HEATR6: variants seen among roughly 807,000 people sequenced by gnomAD.
HEATR6 encodes HEAT repeat containing 6.
Under a neutral mutation model 132.8 loss-of-function variants are expected in HEATR6, and 106 were observed. That is an observed-to-expected ratio of 0.80 (90% CI 0.68 to 0.94). HEATR6 has a LOEUF of 0.94. Ranked by LOEUF, HEATR6 falls within the 40% of genes least tolerant of loss-of-function variation. HEATR6 has a pLI of 0.00. For missense variants in HEATR6, 1,339 were observed against 1,425.1 expected (o/e 0.94, Z 0.97); for synonymous variants, 529 against 537.8 (o/e 0.98, Z 0.23).
intron 11 of HEATR6, among the ~76,000 whole-genome samples, chr17:60,058,568 T>C (rs1180126094): frequency 6.6e-6 from 1 of 152,234 alleles, no homozygotes; most frequent in Non-Finnish European, 1.5e-5. Flanking sequence ...CTTTTTTACA[T>C]ATTAGTGTAA....
intron 14 of HEATR6, among the ~76,000 whole-genome samples, chr17:60,052,765 T>A (rs79168666): frequency 2.0e-5 from 3 of 152,140 alleles, no homozygotes; most frequent in Admixed American, 6.5e-5. Context: ...ATGCCCTTCA[T>A]CCATCTTTGG....
In HEATR6 at chr17:60,073,276, G is replaced by T; in HGVS notation, c.472C>A (p.Leu158Ile). ...YCNGSKCQKY[L>I]PELLGNTGLL... The stretch of plus-strand genomic sequence containing the variant: ...CCGGTGTTGCCTAGCAGCTCTGGGA[G>T]GTACTAAGAAAAATAAGAGTCAATG... Residue 158 changes from leucine (L) to isoleucine (I), a missense_variant, in exon 4 of 20, where the codon CTC becomes ATC. Coordinates refer to ENST00000184956, the MANE Select transcript of HEATR6 (RefSeq NM_022070.5). The T allele has an allele frequency of 1.3e-6, 2 of 1,586,996 alleles. No homozygotes were observed. Among genetic ancestry groups the T allele is most frequent in the Non-Finnish European group, 1.7e-6 (2 of 1,155,620 alleles).
In HEATR6 at chr17:60,042,313, C is replaced by A. The variant is rs546536667; in HGVS notation, c.*1250G>T. ...GGGGAACACGGGCACTCCAGAAGCTCGGAGCAGCAGCTCATCAGCTGTGAG... is the reference window on the plus strand; with the variant it reads ...GGGGAACACGGGCACTCCAGAAGCTAGGAGCAGCAGCTCATCAGCTGTGAG... On this transcript the variant is annotated 3_prime_UTR_variant, in exon 20 of 20. Coordinates refer to ENST00000184956, the MANE Select transcript of HEATR6 (RefSeq NM_022070.5). Among the ~76,000 whole-genome samples the A allele has an allele frequency of 1.3e-5, 2 of 152,278 alleles. No homozygotes were observed. Among genetic ancestry groups the A allele is most frequent in the East Asian group, 3.9e-4 (2 of 5,194 alleles).
chr17:60,073,537 T>C (rs2083280562), intron 3 of HEATR6, among the ~76,000 whole-genome samples: 1 of 152,146 alleles, frequency 6.6e-6, no homozygotes, highest in African/African-American at 2.4e-5. Context: ...TTAAGAATAA[T>C]GTTTACTATT....
chr17:60,073,866 G>T lies in HEATR6; in HGVS notation c.348C>A (p.His116Gln). 1 of 1,613,496 alleles carries T rather than the reference G, an allele frequency of 6.2e-7. No individual in the cohort carries two copies. Residue 116 changes from histidine (H) to glutamine (Q), a missense_variant, in exon 3 of 20, where the codon CAC (histidine) becomes CAA (glutamine). His to Gln is a conservative substitution (Grantham distance 24). Transcript: ENST00000184956. ...TAGTATATGCCAACAGGAAATCCAA[G>T]TGCTGTTCATCAACAATTACCTAAC... Reference protein sequence around the residue: ...NRLQVIVDEQHLDFLLAYTIS... With the variant: ...NRLQVIVDEQQLDFLLAYTIS...
Position 60,043,906 on chromosome 17 carries a change from A to C in HEATR6, c.3203T>G (p.Leu1068Arg). The C allele has an allele frequency of 6.2e-7, 1 of 1,614,150 alleles. No individual in the cohort carries two copies. The highest frequency in any genetic ancestry group is 8.5e-7 in the Non-Finnish European group (1 of 1,180,008). The change falls in exon 20 of 20, where the codon CTA becomes CGA. Residue 1068 changes from leucine (L) to arginine (R), a missense_variant. By Grantham distance (102) the Leu-to-Arg change is moderately radical. Coordinates refer to ENST00000184956, the MANE Select transcript of HEATR6 (RefSeq NM_022070.5). ...CAGTGCCTGGCAGATTTGGGTCCGTAGGCTGACACAGTACTTGAATTCCAA... is the reference window on the plus strand; with the variant it reads ...CAGTGCCTGGCAGATTTGGGTCCGTCGGCTGACACAGTACTTGAATTCCAA... ...DFLEFKYCVS[L>R]RTQICQALIH...
rs1048308884 is a variant in HEATR6, at chr17:60,070,641, T to A, written c.801+65A>T. 4.5e-6 allele frequency: 4 copies of A among 896,554 alleles called. No individual in the cohort carries two copies. In the African/African-American group the frequency reaches 6.6e-5, roughly 15 times the overall value. The allele number at this position is 896,554 out of a possible 1,614,324, so 55.5% of individuals were successfully genotyped here. A position where few individuals can be genotyped will look rare whatever the true frequency, so the allele number is the denominator to read the frequency against. On this transcript the variant is annotated intron_variant, in intron 6 of 19. Transcript: ENST00000184956. ...CAAAGTTAGCCTTAGAATAAGGATG[T>A]AAAGTGGTCCTTGTACCATGGGTTG...
At position 60,049,150 on chromosome 17, in the gene HEATR6, T is replaced by TGC. The variant is rs1555667042; in HGVS notation, c.2547+429_2547+430insGC. Reference sequence around the variant, plus strand: ...GTGTGTGTGTGTGTGTGTGTGTGTGTGTGTGTCTGGCTCTGCCACCCAGGC... The same window carrying TGC: ...GTGTGTGTGTGTGTGTGTGTGTGTGTGCGTGTGTCTGGCTCTGCCACCCAGGC... On this transcript the variant is annotated intron_variant, in intron 16 of 19. Coordinates refer to ENST00000184956, the MANE Select transcript of HEATR6 (RefSeq NM_022070.5). Among the ~76,000 whole-genome samples the TGC allele has an allele frequency of 4.4e-3, 663 of 149,862 alleles. 25 individuals carry two copies. The highest frequency in any genetic ancestry group is 0.015 in the African/African-American group (611 of 40,310).
rs1252554149 is a variant in HEATR6, at chr17:60,048,333, T to C, written c.2603A>G (p.Lys868Arg). The C allele has an allele frequency of 1.2e-6, 2 of 1,613,656 alleles. No homozygotes were observed. Among genetic ancestry groups the C allele is most frequent in the African/African-American group, 1.3e-5 (1 of 74,914 alleles). The change falls in exon 17 of 20, where the codon AAG becomes AGG. Residue 868 changes from lysine to arginine, a missense_variant. Coordinates refer to ENST00000184956, the MANE Select transcript of HEATR6 (RefSeq NM_022070.5). ...TGCTTTGGCTCGAACATTCAGAGACTTGTCTTCAAGTGACATCAATATTGC... is the reference window on the plus strand; with the variant it reads ...TGCTTTGGCTCGAACATTCAGAGACCTGTCTTCAAGTGACATCAATATTGC... ...ANAILMSLED[K>R]SLNVRAKAAW...
At chr17:60,059,132 G>T (rs140705943) in intron 11 of HEATR6, among the ~76,000 whole-genome samples, 110 of 152,162 alleles carry the variant, frequency 7.2e-4, no homozygotes, top group African/African-American at 2.5e-3. Flanking sequence ...TCCTCAGGGG[G>T]GCTGCTTGCA....
intron 2 of HEATR6, chr17:60,074,295 G>T: frequency 5.3e-6 from 1 of 188,330 alleles, no homozygotes; most frequent in Non-Finnish European, 1.0e-5. Context: ...CATGACATGA[G>T]GAATACACCA....
intron 9 of HEATR6, among the ~76,000 whole-genome samples, chr17:60,065,997 CT>C (rs2083238365): frequency 6.6e-6 from 1 of 152,240 alleles, no homozygotes; most frequent in Non-Finnish European, 1.5e-5. Flanking sequence ...CAAGCAAGCC[CT>C]GGGGCAGGAA....
intron 19 of HEATR6, 101 bp from the exon 20 acceptor site, chr17:60,044,235 A>G: frequency 2.5e-6 from 2 of 795,160 alleles, no homozygotes; most frequent in South Asian, 3.5e-5. Context: ...TGCTCAAGAC[A>G]CTCATTTTAT....
rs1222325726 is a variant in HEATR6 at position 60,044,139 on chromosome 17, A to G, written c.2975-5T>C. 2 of 1,596,858 alleles carry G rather than the reference A, an allele frequency of 1.3e-6. No homozygotes were observed. Among genetic ancestry groups the G allele is most frequent in the South Asian group, 1.1e-5 (1 of 87,908 alleles). The stretch of plus-strand genomic sequence containing the variant: ...GGGAGGTCCATGGGGCTGTCCCTAG[A>G]AAGAATCCACAGTCACTAAAACAAA... On this transcript the variant is annotated splice_polypyrimidine_tract_variant and splice_region_variant and intron_variant, in intron 19 of 19. Transcript: ENST00000184956.
intron 6 of HEATR6, 150 bp downstream of exon 6, chr17:60,070,556 C>A (rs2083265197): frequency 4.0e-6 from 2 of 501,636 alleles, no homozygotes; most frequent in Non-Finnish European, 7.1e-6. Flanking sequence ...TATTAAGTGT[C>A]TTTGAATATG....
At chr17:60,054,467 C>A (rs1906680151) in intron 14 of HEATR6, among the ~76,000 whole-genome samples, 2 of 152,224 alleles carry the variant, frequency 1.3e-5, no homozygotes, top group South Asian at 4.1e-4. Flanking sequence ...GGGAATGGGA[C>A]ACAGCCTACA....
At chr17:60,063,068 T>C (rs1292174369) in intron 9 of HEATR6, 1 of 152,870 alleles carries the variant, frequency 6.5e-6, no homozygotes, top group Non-Finnish European at 1.5e-5. Context: ...GAAGCGTCAA[T>C]ACAGATACAC....
chr17:60,048,983 AATATATATAT>A (rs35114523), intron 16 of HEATR6, among the ~76,000 whole-genome samples: 75 of 69,548 alleles, frequency 1.1e-3, no homozygotes, highest in South Asian at 1.9e-3. Context: ...ATATATATAT[AATATATATAT>A]ATATATATAT....
chr17:60,067,553 T>A lies in HEATR6; in HGVS notation c.1119A>T (p.Gly373=). 1 of 1,613,650 alleles carries A rather than the reference T, an allele frequency of 6.2e-7. No individual in the cohort carries two copies. Among genetic ancestry groups the A allele is most frequent in the Non-Finnish European group, 8.5e-7 (1 of 1,179,832 alleles). ...SLGVQSLPLD[G]SGAAEKDGVS... ...CTCCATCTTTTTCTGCAGCTCCACT[T>A]CCATCTAAAGGCAAACTCTGGACAC... The change falls in exon 8 of 20, where the codon GGA becomes GGT. Residue 373 remains glycine (G), a synonymous_variant. Coordinates refer to ENST00000184956, the MANE Select transcript of HEATR6 (RefSeq NM_022070.5).
Sources: allele counts gnomAD v4.1 joint callset (sites outside exome capture counted in the v4.1 genomes callset), GRCh38; gene constraint gnomAD v4.1.1; transcripts MANE v1.5; gene names NCBI Gene and HGNC (gene_info 2026-07-23, HGNC 2026-07-21).